The following XKR4 variants were observed in gnomAD, a reference collection of about 807,000 sequenced individuals.
XKR4 encodes the protein XK-related protein 4.
A neutral mutation model predicts 53.9 loss-of-function variants in XKR4; 12 were observed. That is an observed-to-expected ratio of 0.22 (90% CI 0.14 to 0.36). The LOEUF is 0.36. Among genes scored for constraint, XKR4 ranks in the 10% least tolerant of loss-of-function variants. The pLI is 1.00. For missense variants in XKR4, 799 were observed against 859.5 expected (o/e 0.93, Z 0.88); for synonymous variants, 354 against 362.4 (o/e 0.98, Z 0.26).
In XKR4 at chr8:55,103,026, G is replaced by C. The variant is rs553063618; in HGVS notation, c.538G>C (p.Ala180Pro). 2 of 1,612,482 alleles carry C rather than the reference G, an allele frequency of 1.2e-6. No individual in the cohort carries two copies. Among genetic ancestry groups the C allele is most frequent in the African/African-American group, 2.7e-5 (2 of 75,064 alleles). Residue 180 changes from alanine to proline, a missense_variant, in exon 1 of 3, where the codon GCT becomes CCT. This residue lies in a region of XKR4 where 476 missense variants were observed against 505.4 expected (regional missense o/e 0.94). Transcript: ENST00000327381. ...DFSTEDSATA[A>P]AASSCPQPGA... ...CAGCACCGAGGACAGCGCCACGGCC[G>C]CTGCTGCCTCCAGCTGCCCGCAGCC...
intron 1 of XKR4, among the ~76,000 whole-genome samples, chr8:55,137,254 G>GA (rs919114225): frequency 1.6e-4 from 23 of 145,246 alleles, no homozygotes; most frequent in Admixed American, 4.1e-4. Context: ...GAGAGGAGGG[G>GA]AAAAAAAAAA....
At chr8:55,215,257 G>T (rs1817784518) in intron 1 of XKR4, among the ~76,000 whole-genome samples, 2 of 152,326 alleles carry the variant, frequency 1.3e-5, no homozygotes, top group South Asian at 4.1e-4. Context: ...TGTATAGGTT[G>T]TATGCCTAAA....
intron 2 of XKR4, among the ~76,000 whole-genome samples, chr8:55,395,014 A>T (rs1804493722): frequency 6.6e-6 from 1 of 152,144 alleles, no homozygotes. Context: ...TGGTCAATTT[A>T]TTGATAATAT....
chr8:55,423,186 C>T (rs941853988), intron 2 of XKR4, among the ~76,000 whole-genome samples: 1 of 151,902 alleles, frequency 6.6e-6, no homozygotes, highest in Non-Finnish European at 1.5e-5. Flanking sequence ...ACCTCTACCT[C>T]CCAGGTTCAA....
intron 1 of XKR4, among the ~76,000 whole-genome samples, chr8:55,283,395 T>C (rs1818866651): frequency 6.6e-6 from 1 of 152,246 alleles, no homozygotes; most frequent in South Asian, 2.1e-4. Flanking sequence ...AATTCCAGAC[T>C]TCTCTGAAAC....
At chr8:55,409,006 CAAAAA>C (rs36030680) in intron 2 of XKR4, among the ~76,000 whole-genome samples, 1 of 65,722 alleles carries the variant, frequency 1.5e-5, no homozygotes. Context: ...GACTCCGTCT[CAAAAA>C]AAAAAAAAAA....
chr8:55,193,006 C>T (rs1035587192), intron 1 of XKR4, among the ~76,000 whole-genome samples: 3 of 152,096 alleles, frequency 2.0e-5, no homozygotes, highest in Non-Finnish European at 4.4e-5. Context: ...TCTCCTCCTT[C>T]ATTCTTCCCT....
At chr8:55,377,880 T>A (rs1473669353) in intron 2 of XKR4, among the ~76,000 whole-genome samples, 5 of 152,204 alleles carry the variant, frequency 3.3e-5, no homozygotes, top group African/African-American at 1.2e-4. Context: ...CAACCTTGTT[T>A]AATTTAGTGA....
intron 1 of XKR4, among the ~76,000 whole-genome samples, chr8:55,170,440 G>A (rs903791868): frequency 3.3e-5 from 5 of 152,178 alleles, no homozygotes; most frequent in African/African-American, 4.8e-5. Context: ...GCCAAGGAAT[G>A]TGGTGGCCCC....
At chr8:55,504,000 T>C (rs1806485171) in intron 2 of XKR4, among the ~76,000 whole-genome samples, 1 of 152,162 alleles carries the variant, frequency 6.6e-6, no homozygotes, top group Non-Finnish European at 1.5e-5. Context: ...TAATGTGCTG[T>C]ATTACATTAA....
At chr8:55,159,441 A>G (rs1816954886) in intron 1 of XKR4, among the ~76,000 whole-genome samples, 1 of 152,210 alleles carries the variant, frequency 6.6e-6, no homozygotes, top group African/African-American at 2.4e-5. Context: ...ACAAGGCAAT[A>G]CGTGCTATAA....
At chr8:55,385,105 C>A (rs1804289935) in intron 2 of XKR4, among the ~76,000 whole-genome samples, 1 of 152,064 alleles carries the variant, frequency 6.6e-6, no homozygotes. Flanking sequence ...TGGCAATATG[C>A]TCTAAGGGCA....
chr8:55,254,802 C>T (rs1027543165), intron 1 of XKR4, among the ~76,000 whole-genome samples: 4 of 152,176 alleles, frequency 2.6e-5, no homozygotes, highest in African/African-American at 9.7e-5. Context: ...CCCACAGGTT[C>T]GAACTGACTT....
intron 2 of XKR4, among the ~76,000 whole-genome samples, chr8:55,443,112 A>G (rs2129395111): frequency 6.6e-6 from 1 of 152,326 alleles, no homozygotes; most frequent in South Asian, 2.1e-4. Flanking sequence ...AGTGAATACT[A>G]CACAACTAAT....
chr8:55,196,616 G>A (rs1817510565), intron 1 of XKR4, among the ~76,000 whole-genome samples: 1 of 152,222 alleles, frequency 6.6e-6, no homozygotes, highest in African/African-American at 2.4e-5. Flanking sequence ...GTCATATGGG[G>A]ATTAAGACAT....
At chr8:55,446,322 G>A (rs2929054) in intron 2 of XKR4, among the ~76,000 whole-genome samples, 2 of 151,998 alleles carry the variant, frequency 1.3e-5, no homozygotes, top group South Asian at 2.1e-4. Context: ...GCTGGGAGAC[G>A]AATCAAAAAC....
intron 1 of XKR4, among the ~76,000 whole-genome samples, chr8:55,253,164 T>C (rs1818384016): frequency 6.6e-6 from 1 of 152,208 alleles, no homozygotes; most frequent in Non-Finnish European, 1.5e-5. Flanking sequence ...TTGGGTGATC[T>C]GAAAATTTTA....
chr8:55,247,855 C>CTTTCTTTCTTTCTTTCTTTCTTTT (rs369983175), intron 1 of XKR4, among the ~76,000 whole-genome samples: 1 of 59,858 alleles, frequency 1.7e-5, no homozygotes, highest in Non-Finnish European at 4.5e-5. Context: ...TTCTTTCTTT[C>CTTTCTTTCTTTCTTTCTTTCTTTT]TTTTTTTTTT....
At chr8:55,259,216 C>T (rs1818482363) in intron 1 of XKR4, among the ~76,000 whole-genome samples, 1 of 152,220 alleles carries the variant, frequency 6.6e-6, no homozygotes, top group Admixed American at 6.5e-5. Context: ...GCTTTAGATC[C>T]ATGATTCTGG....
Sources: allele counts gnomAD v4.1 joint callset (sites outside exome capture counted in the v4.1 genomes callset), GRCh38; gene constraint gnomAD v4.1.1; regional missense constraint gnomAD v4.1.1; transcripts MANE v1.5; gene names NCBI Gene and HGNC (gene_info 2026-07-23, HGNC 2026-07-21).